Variants in TFEC observed in about 807,000 individuals in gnomAD.
The protein encoded by TFEC is transcription factor EC, also known as class E basic helix-loop-helix protein 34.
Under a neutral mutation model 41.6 loss-of-function variants are expected in TFEC, and 31 were observed. The ratio of observed to expected loss-of-function variants is 0.74; its 90% confidence interval spans 0.56 to 1.01. The LOEUF (loss-of-function observed/expected upper bound fraction) is 1.01. TFEC is among the 50% of genes least tolerant of loss of function. TFEC has a pLI of 0.00. For synonymous variants in TFEC, 143 were observed against 140.6 expected (o/e 1.02, Z -0.12); for missense variants, 402 against 404.1 (o/e 0.99, Z 0.04).
At chr7:116,107,595 C>T (rs1797750115) in intron 3 of TFEC, among the ~76,000 whole-genome samples, 2 of 152,160 alleles carry the variant, frequency 1.3e-5, no homozygotes, top group Non-Finnish European at 2.9e-5. Context: ...GAAGTTCTGG[C>T]TCTAGTCATC....
chr7:115,956,066 C>G (rs140783440), intron 4 of TFEC, among the ~76,000 whole-genome samples: 100 of 152,036 alleles, frequency 6.6e-4, no homozygotes, highest in African/African-American at 2.3e-3. Flanking sequence ...GCTGTTACAC[C>G]TTTAGGAAAG....
chr7:115,947,623 G>C (rs1193556305), intron 6 of TFEC, among the ~76,000 whole-genome samples: 1 of 151,512 alleles, frequency 6.6e-6, no homozygotes, highest in Non-Finnish European at 1.5e-5. Flanking sequence ...TAACTGGTGT[G>C]AGATGGTATC....
At chr7:115,945,752 G>A (rs753142337) in intron 6 of TFEC, among the ~76,000 whole-genome samples, 1 of 151,722 alleles carries the variant, frequency 6.6e-6, no homozygotes, top group Non-Finnish European at 1.5e-5. Context: ...TTGCAATGCA[G>A]TTTTCCCAAT....
chr7:115,941,846 G>A, intron 7 of TFEC, 47 bp downstream of exon 7: 1 of 1,573,864 alleles, frequency 6.4e-7, no homozygotes, highest in Non-Finnish European at 8.6e-7. Context: ...GATGACAGCT[G>A]AGTCATGTGT....
intron 1 of TFEC, among the ~76,000 whole-genome samples, chr7:116,028,302 A>C (rs540742126): frequency 6.6e-6 from 1 of 152,294 alleles, no homozygotes; most frequent in South Asian, 2.1e-4. Context: ...ATTTTTATAA[A>C]TCTCCAAACA....
intron 1 of TFEC, among the ~76,000 whole-genome samples, chr7:115,988,547 A>T (rs1249542002): frequency 6.6e-6 from 1 of 152,100 alleles, no homozygotes; most frequent in Non-Finnish European, 1.5e-5. Flanking sequence ...TTAAAAACAA[A>T]AAAAGAAACA....
chr7:115,981,637 A>C (rs1793635155), intron 2 of TFEC, among the ~76,000 whole-genome samples: 1 of 152,244 alleles, frequency 6.6e-6, no homozygotes, highest in Admixed American at 6.5e-5. Context: ...AAAATGTAGC[A>C]TGTGCTGTGA....
intron 1 of TFEC, chr7:116,119,999 A>T (rs188946256): frequency 6.6e-6 from 1 of 151,980 alleles, no homozygotes; most frequent in African/African-American, 2.4e-5. Flanking sequence ...ACCAAACATT[A>T]AAAAGAAATT....
intron 1 of TFEC, among the ~76,000 whole-genome samples, chr7:116,123,459 A>G (rs1471939414): frequency 6.6e-6 from 1 of 152,040 alleles, no homozygotes; most frequent in Non-Finnish European, 1.5e-5. Flanking sequence ...ATACACCACA[A>G]GCCCTTCTGA....
intron 3 of TFEC, among the ~76,000 whole-genome samples, chr7:116,082,985 T>C (rs774596798): frequency 1.3e-5 from 2 of 151,904 alleles, no homozygotes; most frequent in East Asian, 1.9e-4. Context: ...ACAATAAATA[T>C]ATGGCATAGA....
At chr7:115,998,561 A>G (rs36054736) in intron 1 of TFEC, among the ~76,000 whole-genome samples, 20,741 of 151,908 alleles carry the variant, frequency 0.14, 1,913 homozygotes, top group Non-Finnish European at 0.21. Context: ...AAAAAAACAC[A>G]CAACAATCTG....
chr7:115,982,838 C>T (rs761402406), intron 2 of TFEC, among the ~76,000 whole-genome samples: 6 of 151,876 alleles, frequency 4.0e-5, no homozygotes, highest in Non-Finnish European at 7.4e-5. Context: ...AAGATGTGTG[C>T]TTAAAGAATA....
intron 3 of TFEC, among the ~76,000 whole-genome samples, chr7:116,092,532 TATG>T (rs1268970037): frequency 1.3e-5 from 2 of 152,180 alleles, no homozygotes; most frequent in East Asian, 1.9e-4. Flanking sequence ...TTTGTTCCAT[TATG>T]ATGACATTTT....
intron 1 of TFEC, among the ~76,000 whole-genome samples, chr7:116,150,579 G>A (rs948334848): frequency 3.6e-4 from 55 of 151,636 alleles, no homozygotes; most frequent in African/African-American, 1.3e-3. Flanking sequence ...ACAGTCACAC[G>A]GTTATATATC....
intron 3 of TFEC, among the ~76,000 whole-genome samples, chr7:116,082,476 G>C (rs1797113812): frequency 6.6e-6 from 1 of 151,800 alleles, no homozygotes; most frequent in African/African-American, 2.4e-5. Context: ...TCATTTGTTA[G>C]CAAAAATGAA....
At chr7:115,944,230 C>A (rs561690628) in intron 6 of TFEC, among the ~76,000 whole-genome samples, 22 of 150,948 alleles carry the variant, frequency 1.5e-4, no homozygotes, top group South Asian at 6.6e-4. Flanking sequence ...AATTAAAGAT[C>A]TAATAATACT....
At chr7:116,122,583 T>C (rs1798129254) in intron 1 of TFEC, among the ~76,000 whole-genome samples, 1 of 152,134 alleles carries the variant, frequency 6.6e-6, no homozygotes, top group South Asian at 2.1e-4. Flanking sequence ...GCATTGGCAG[T>C]GTCTGCTATG....
At chr7:116,102,726 C>T (rs1797632612) in intron 3 of TFEC, among the ~76,000 whole-genome samples, 2 of 152,168 alleles carry the variant, frequency 1.3e-5, no homozygotes, top group South Asian at 4.1e-4. Context: ...TTCATTTACA[C>T]TTGTGGCAGC....
intron 1 of TFEC, among the ~76,000 whole-genome samples, chr7:116,005,499 T>C (rs1794754584): frequency 2.0e-5 from 3 of 152,218 alleles, no homozygotes; most frequent in Non-Finnish European, 4.4e-5. Context: ...TGTGGAACTT[T>C]GAACTTGAAA....
Sources: allele counts gnomAD v4.1 joint callset (sites outside exome capture counted in the v4.1 genomes callset), GRCh38; gene constraint gnomAD v4.1.1; transcripts MANE v1.5; gene names NCBI Gene and HGNC (gene_info 2026-07-23, HGNC 2026-07-21).